Variants in ZNF3 observed in about 807,000 individuals in gnomAD.
ZNF3 encodes C2-H2 type zinc finger protein.
ZNF3 carries 16 observed loss-of-function variants against 36.9 expected under a neutral mutation model. That is an observed-to-expected ratio of 0.43 (90% CI 0.29 to 0.66). ZNF3 has a LOEUF of 0.66. Ranked by LOEUF, ZNF3 falls within the 30% of genes least tolerant of loss-of-function variation. ZNF3 has a pLI of 0.13. For missense variants in ZNF3, 462 were observed against 543.1 expected, an observed-to-expected ratio of 0.85 and a Z score of 1.48; for synonymous variants, 201 against 201.9, an observed-to-expected ratio of 1.00 and a Z score of 0.04.
downstream of ZNF3, among the ~76,000 whole-genome samples, chr7:100,068,506 C>CT (rs1355927980): frequency 6.6e-6 from 1 of 151,666 alleles, no homozygotes; most frequent in Admixed American, 6.6e-5. Flanking sequence ...ATCCCGTTGT[C>CT]TATTAAAAAT....
rs112128894 is a variant in ZNF3 at position 100,064,595 on chromosome 7, C to A, written c.*193G>T. The A allele has an allele frequency of 1.1e-4, 181 of 1,613,992 alleles. No homozygotes were observed. The African/African-American group carries it at 2.2e-3, about 20-fold the overall frequency. ...CTTTCCAAACATCAGCGAGTCCACACTGGAGAGGGAGAAGCACCGTAACTT... is the reference window on the plus strand; with the variant it reads ...CTTTCCAAACATCAGCGAGTCCACAATGGAGAGGGAGAAGCACCGTAACTT... On this transcript the variant is annotated 3_prime_UTR_variant, in exon 6 of 6. Transcript: ENST00000413658.
chr7:100,064,437 G>A (rs1792525569), exon 6 of ZNF3: 2 of 1,613,816 alleles, frequency 1.2e-6, no homozygotes, highest in Admixed American at 1.7e-5. Context: ...CCGGAGAGAA[G>A]CCATATAAGT....
rs1795007796 is a variant in ZNF3, at chr7:100,081,604, C to T, written c.-198+31G>A. The T allele has an allele frequency of 6.5e-6, 1 of 152,734 alleles. No homozygotes were observed. 9.5% of individuals were successfully genotyped at this position (152,734 alleles called of 1,614,324 possible). A position where few individuals can be genotyped will look rare whatever the true frequency, so the allele number is the denominator to read the frequency against. On this transcript the variant is annotated intron_variant, in intron 1 of 5. Coordinates refer to ENST00000299667, the MANE Select transcript of ZNF3 (RefSeq NM_032924.5). The surrounding 1 kb of genome is among the most constrained non-coding windows in gnomAD (Gnocchi z 4.3). ...TCCCCGGCGACCACAGCCTCCGTCT[C>T]ACCGCGAGACCCGGGGACGCGTGGA...
rs1364593214 is a variant in ZNF3, at chr7:100,070,301, CA to C, written c.*841del. ...AGGTGAGAGGGCAGGGCAAGCAGGC[CA>C]AGTGAGCTCCTTGAAAGCATCCTTA... On this transcript the variant is annotated 3_prime_UTR_variant, in exon 6 of 6. Coordinates refer to ENST00000299667, the MANE Select transcript of ZNF3 (RefSeq NM_032924.5). The C allele has an allele frequency of 1.0e-6, 1 of 985,442 alleles. No individual in the cohort carries two copies. The highest frequency in any genetic ancestry group is 1.1e-4 in the East Asian group (1 of 8,836). The allele number at this position is 985,442 out of a possible 1,614,324, so 61.0% of individuals were successfully genotyped here. A position where few individuals can be genotyped will look rare whatever the true frequency, so the allele number is the denominator to read the frequency against.
Position 100,079,605 on chromosome 7 carries a change from T to C in ZNF3, c.-146A>G, listed in dbSNP as rs1794676879. 1 of 152,254 alleles carries C rather than the reference T, an allele frequency of 6.6e-6. No homozygotes were observed. Among genetic ancestry groups the C allele is most frequent in the African/African-American group, 2.4e-5 (1 of 41,458 alleles). The allele number at this position is 152,254 out of a possible 1,614,324, so 9.4% of individuals were successfully genotyped here. A position where few individuals can be genotyped will look rare whatever the true frequency, so the allele number is the denominator to read the frequency against. On this transcript the variant is annotated 5_prime_UTR_variant, in exon 2 of 6. Transcript: ENST00000299667. ...GCCAAAGGAGCAATTACTGGGAATT[T>C]AGCAGCCTCTGTTCAAGTTCCCGGG...
intron 1 of ZNF3, among the ~76,000 whole-genome samples, chr7:100,080,515 G>GA (rs200294969): frequency 2.1e-3 from 276 of 128,898 alleles, no homozygotes; most frequent in Non-Finnish European, 2.4e-3. Flanking sequence ...ATTTTAAAAG[G>GA]AAAAAAAAAA....
chr7:100,064,730 A>C (rs1792552268), exon 6 of ZNF3: 24 of 1,612,744 alleles, frequency 1.5e-5, no homozygotes, highest in Non-Finnish European at 2.0e-5. Flanking sequence ...GTATCACTCA[A>C]CATCAGGGGA....
chr7:100,075,330 T>G (rs1562872083), intron 4 of ZNF3, 69 bp from the exon 5 acceptor site: 1 of 1,612,232 alleles, frequency 6.2e-7, no homozygotes, highest in Non-Finnish European at 8.5e-7. Context: ...AAAAAATCAC[T>G]GAGGATGGGG....
intron 3 of ZNF3, 106 bp from the exon 4 acceptor site, chr7:100,075,736 A>C (rs56054049): frequency 0.3 from 299,730 of 990,564 alleles, 49,040 homozygotes; most frequent in Middle Eastern, 0.51. Flanking sequence ...GGGACAACAC[A>C]GGACCCTCTC....
At chr7:100,067,165 A>G (rs901159803), downstream of ZNF3, among the ~76,000 whole-genome samples, 10 of 152,168 alleles carry the variant, frequency 6.6e-5, no homozygotes, top group Non-Finnish European at 1.3e-4. Flanking sequence ...AATAACAGGG[A>G]ACTCTGTTCT....
downstream of ZNF3, among the ~76,000 whole-genome samples, chr7:100,068,481 G>A (rs1792758016): frequency 6.6e-6 from 1 of 151,780 alleles, no homozygotes; most frequent in Non-Finnish European, 1.5e-5. Flanking sequence ...AGACCAGCCT[G>A]GCCAACATGG....
chr7:100,064,802 G>A (rs1485544853), exon 6 of ZNF3: 1 of 1,614,044 alleles, frequency 6.2e-7, no homozygotes, highest in Non-Finnish European at 8.5e-7. Flanking sequence ...AAGGTGTCAG[G>A]AGGTTCCACA....
intron 2 of ZNF3, chr7:100,077,679 C>T (rs1794339718): frequency 4.9e-6 from 1 of 205,106 alleles, no homozygotes; most frequent in South Asian, 1.2e-4. Context: ...CCTGTTGCCT[C>T]CCTGAGAGCT....
rs1792873242 is a variant in ZNF3 at position 100,069,989 on chromosome 7, T to C, written c.*1154A>G. On this transcript the variant is annotated 3_prime_UTR_variant, in exon 6 of 6. Transcript: ENST00000299667. ...CACTCAATCTCTTCTGAAAAACTAT[T>C]CTGTTTAATAGTGCACTTCATTTAT... 9.1e-6 allele frequency: 9 copies of C among 985,730 alleles called. No individual in the cohort carries two copies. The highest frequency in any genetic ancestry group is 4.7e-5 in the South Asian group (1 of 21,292). 61.1% of individuals were successfully genotyped at this position (985,730 alleles called of 1,614,324 possible).
At chr7:100,066,030 G>A (rs1449159289), downstream of ZNF3, among the ~76,000 whole-genome samples, 6 of 151,402 alleles carry the variant, frequency 4.0e-5, no homozygotes, top group East Asian at 5.8e-4. Flanking sequence ...CATAATACTC[G>A]TGGTACAGTT....
At chr7:100,072,670 G>A (rs1185918345) in intron 5 of ZNF3, among the ~76,000 whole-genome samples, 1 of 152,162 alleles carries the variant, frequency 6.6e-6, no homozygotes, top group Non-Finnish European at 1.5e-5. Flanking sequence ...ACAAGCAAGG[G>A]GGAGGATGCT....
chr7:100,077,042 G>A, intron 3 of ZNF3: 1 of 363,700 alleles, frequency 2.7e-6, no homozygotes, highest in Non-Finnish European at 5.3e-6. Flanking sequence ...CTGCACTCTA[G>A]CCTGAGCAAC....
Position 100,070,839 on chromosome 7 carries a change from T to C in ZNF3, c.*304A>G. 1 of 1,145,962 alleles carries C rather than the reference T, an allele frequency of 8.7e-7. No individual in the cohort carries two copies. Among genetic ancestry groups the C allele is most frequent in the Non-Finnish European group, 1.1e-6 (1 of 930,924 alleles). 71.0% of individuals were successfully genotyped at this position (1,145,962 alleles called of 1,614,324 possible). On this transcript the variant is annotated 3_prime_UTR_variant, in exon 6 of 6. Transcript: ENST00000299667. The stretch of plus-strand genomic sequence containing the variant: ...CCATCGAATTCTGTCCCGACTGTGC[T>C]TCCATCCCCACCTTGGAAAGGTTCC...
chr7:100,081,784 A>AC (rs1795037616), upstream of ZNF3: 1 of 151,932 alleles, frequency 6.6e-6, no homozygotes, highest in South Asian at 2.1e-4. The surrounding 1 kb of genome is among the most constrained non-coding windows in gnomAD (Gnocchi z 4.3). Context: ...ACTCACCCGT[A>AC]CCCCCAACGC....
Sources: gnomAD v4.1 joint callset for allele counts (sites outside exome capture counted in the v4.1 genomes callset) on GRCh38, gnomAD v4.1.1 for gene constraint, Gnocchi (gnomAD v3.1) non-coding constraint, MANE v1.5 for transcripts, NCBI Gene and HGNC (gene_info 2026-07-23, HGNC 2026-07-21) for gene names.